The following CLYBL variants were observed in gnomAD, a reference collection of about 807,000 sequenced individuals.
CLYBL encodes the protein citramalyl-CoA lyase, mitochondrial.
A neutral mutation model predicts 38.9 loss-of-function variants in CLYBL; 31 were observed. That is an observed-to-expected ratio of 0.80 (90% CI 0.60 to 1.08). The LOEUF (loss-of-function observed/expected upper bound fraction) is 1.08, where lower values mean the gene tolerates loss of function less well. Ranked by LOEUF, CLYBL falls within the 50% of genes least tolerant of loss-of-function variation. The pLI is 0.00. For missense variants in CLYBL, 434 were observed against 411.6 expected (o/e 1.05, Z -0.47); for synonymous variants, 171 against 158.6 (o/e 1.08, Z -0.59).
intron 1 of CLYBL, among the ~76,000 whole-genome samples, chr13:99,730,034 A>G (rs1036654527): frequency 1.5e-5 from 2 of 132,584 alleles, no homozygotes; most frequent in African/African-American, 2.6e-5. Context: ...GTCCCACATC[A>G]GCGTGGCCGG....
intron 1 of CLYBL, among the ~76,000 whole-genome samples, chr13:99,731,174 C>T (rs960384671): frequency 2.5e-4 from 38 of 149,738 alleles, no homozygotes; most frequent in Non-Finnish European, 4.6e-4. Flanking sequence ...GACCAGATTT[C>T]GGCAGATTGC....
At chr13:99,634,146 A>G (rs1219583769) in intron 1 of CLYBL, among the ~76,000 whole-genome samples, 1 of 152,210 alleles carries the variant, frequency 6.6e-6, no homozygotes, top group Non-Finnish European at 1.5e-5. Context: ...GGTGCACAGA[A>G]GGAACAATAA....
intron 1 of CLYBL, among the ~76,000 whole-genome samples, chr13:99,696,607 T>C (rs1397907588): frequency 6.6e-6 from 1 of 152,066 alleles, no homozygotes; most frequent in Non-Finnish European, 1.5e-5. Flanking sequence ...TAAAAATTGA[T>C]TTGATTACAT....
intron 2 of CLYBL, among the ~76,000 whole-genome samples, chr13:99,851,967 A>T (rs1007099227): frequency 4.6e-5 from 7 of 152,258 alleles, no homozygotes; most frequent in Admixed American, 1.3e-4. Context: ...AACAATGGAC[A>T]AAATGTGACC....
At chr13:99,672,321 T>A (rs911343012) in intron 1 of CLYBL, among the ~76,000 whole-genome samples, 3 of 151,680 alleles carry the variant, frequency 2.0e-5, no homozygotes, top group African/African-American at 7.3e-5. Flanking sequence ...ATCCTCCCAC[T>A]TCAGCCTCCA....
intron 2 of CLYBL, among the ~76,000 whole-genome samples, chr13:99,833,359 T>A (rs1019435420): frequency 6.6e-6 from 1 of 151,862 alleles, no homozygotes; most frequent in Non-Finnish European, 1.5e-5. Context: ...ATATTTTTAT[T>A]CCACCAATTC....
At chr13:99,833,018 ATATATATATATATTTTTTTTTTTTTT>A (rs2050845228) in intron 2 of CLYBL, among the ~76,000 whole-genome samples, 1 of 34,276 alleles carries the variant, frequency 2.9e-5, no homozygotes, top group East Asian at 1.7e-3. Flanking sequence ...ATATATATAT[ATATATATATATATTTTTTTTTTTTTT>A]TTTTTTTTTT....
At chr13:99,713,753 G>A (rs1046940869) in intron 1 of CLYBL, among the ~76,000 whole-genome samples, 19 of 151,974 alleles carry the variant, frequency 1.3e-4, no homozygotes, top group African/African-American at 4.1e-4. Context: ...GTGCAATCAT[G>A]GCTCATTGCA....
intron 1 of CLYBL, among the ~76,000 whole-genome samples, chr13:99,676,174 T>A (rs1368556550): frequency 7.5e-6 from 1 of 133,032 alleles, no homozygotes; most frequent in African/African-American, 2.6e-5. Context: ...GCTTCCTTCC[T>A]TCCCTCCGTC....
At chr13:99,833,683 C>CTTTTTT (rs35378080) in intron 2 of CLYBL, among the ~76,000 whole-genome samples, 7 of 56,112 alleles carry the variant, frequency 1.2e-4, no homozygotes, top group Non-Finnish European at 2.1e-4. Flanking sequence ...TACCGTGTTG[C>CTTTTTT]TTTTTTTTTT....
chr13:99,877,864 G>A (rs973781916), intron 7 of CLYBL, among the ~76,000 whole-genome samples: 8 of 151,922 alleles, frequency 5.3e-5, no homozygotes, highest in African/African-American at 1.2e-4. Flanking sequence ...AAGCCACCGC[G>A]CCCAGCCCAG....
At chr13:99,616,698 G>A (rs1386231434) in intron 1 of CLYBL, among the ~76,000 whole-genome samples, 3 of 152,312 alleles carry the variant, frequency 2.0e-5, no homozygotes, top group East Asian at 3.9e-4. Flanking sequence ...GCTCACACCT[G>A]TAATTCCAGC....
chr13:99,775,190 G>A (rs1400276397), intron 2 of CLYBL, among the ~76,000 whole-genome samples: 1 of 152,166 alleles, frequency 6.6e-6, no homozygotes, highest in African/African-American at 2.4e-5. Flanking sequence ...CACAAATCTT[G>A]AGGTTGTCCT....
chr13:99,674,053 G>A (rs896648529), intron 1 of CLYBL, among the ~76,000 whole-genome samples: 1 of 150,498 alleles, frequency 6.6e-6, no homozygotes, highest in African/African-American at 2.5e-5. Flanking sequence ...CGCTTTTGTT[G>A]GGGTAGGGGT....
intron 2 of CLYBL, among the ~76,000 whole-genome samples, chr13:99,788,889 G>A (rs1365233765): frequency 1.3e-5 from 2 of 152,102 alleles, no homozygotes; most frequent in Non-Finnish European, 2.9e-5. Context: ...GCCTGTTATT[G>A]GTCTATTGAG....
chr13:99,849,203 ACT>A lies in CLYBL; in HGVS notation c.250-9655_250-9654del, dbSNP rs1285172161. The stretch of plus-strand genomic sequence containing the variant: ...CAGTGTAAGCTTGTGGTACGTAAAT[ACT>A]CTGTCTTTTTTAAAAGTTGTGTGTA... On this transcript the variant is annotated intron_variant, in intron 2 of 8. Transcript: ENST00000339105. The surrounding 1 kb of genome is among the most constrained non-coding windows in gnomAD (Gnocchi z 4.9). 1.3e-5 allele frequency among the ~76,000 whole-genome samples: 2 copies of A among 151,854 alleles called. No individual in the cohort carries two copies. The highest frequency in any genetic ancestry group is 1.5e-5 in the Non-Finnish European group (1 of 67,986).
downstream of CLYBL, among the ~76,000 whole-genome samples, chr13:99,897,770 A>T (rs2052599232): frequency 6.6e-6 from 1 of 151,982 alleles, no homozygotes; most frequent in Non-Finnish European, 1.5e-5. Flanking sequence ...ACATGGTGAA[A>T]CCCCGTCTCT....
At chr13:99,902,078 A>G (rs1053919515), downstream of CLYBL, among the ~76,000 whole-genome samples, 1 of 152,216 alleles carries the variant, frequency 6.6e-6, no homozygotes, top group Admixed American at 6.5e-5. Context: ...GAAATGAGAA[A>G]GTTTAACTTC....
rs1566340162 is a variant in CLYBL at position 99,819,444 on chromosome 13, ATATATATATATAT to A, written c.250-39416_250-39404del. Among the ~76,000 whole-genome samples the A allele has an allele frequency of 3.5e-3, 307 of 88,672 alleles. 16 individuals are homozygous for A. Among genetic ancestry groups the A allele is most frequent in the African/African-American group, 0.011 (290 of 26,974 alleles). 58.2% of individuals were successfully genotyped at this position (88,672 alleles called of 152,430 possible). A position where few individuals can be genotyped will look rare whatever the true frequency, so the allele number is the denominator to read the frequency against. On this transcript the variant is annotated intron_variant, in intron 2 of 8. Transcript: ENST00000339105. ...TATATATATATATATATATATATAT[ATATATATATATAT>A]ATATATATATAATATTTGTCAGGGT...
Sources: gnomAD v4.1 joint callset for allele counts (sites outside exome capture counted in the v4.1 genomes callset) on GRCh38, gnomAD v4.1.1 for gene constraint, Gnocchi (gnomAD v3.1) non-coding constraint, MANE v1.5 for transcripts, NCBI Gene and HGNC (gene_info 2026-07-23, HGNC 2026-07-21) for gene names.